The following MACROD2 variants were observed in gnomAD, a reference collection of about 807,000 sequenced individuals.
The protein encoded by MACROD2 is mono-ADP ribosylhydrolase 2.
A neutral mutation model predicts 70.4 loss-of-function variants in MACROD2; 36 were observed. That is an observed-to-expected ratio of 0.51 (90% CI 0.39 to 0.68). MACROD2 has a LOEUF of 0.68. Ranked by LOEUF, MACROD2 falls within the 30% of genes least tolerant of loss-of-function variation. The pLI, the probability that MACROD2 is intolerant of heterozygous loss-of-function variation, is 0.00. For missense variants in MACROD2, 496 were observed against 538.4 expected, an observed-to-expected ratio of 0.92 and a Z score of 0.78; for synonymous variants, 172 against 178.8, an observed-to-expected ratio of 0.96 and a Z score of 0.30.
chr20:15,076,107 ATATATATGT>A (rs57412548), intron 5 of MACROD2, among the ~76,000 whole-genome samples: 17,028 of 152,066 alleles, frequency 0.11, 2,395 homozygotes, highest in African/African-American at 0.32. Flanking sequence ...GTGTGAATAA[ATATATATGT>A]TATATACTTG....
chr20:15,284,035 T>C (rs191783878), intron 6 of MACROD2, among the ~76,000 whole-genome samples: 91 of 152,318 alleles, frequency 6.0e-4, no homozygotes, highest in Non-Finnish European at 9.6e-4. Flanking sequence ...ATAGAATAGT[T>C]TAAAAATAAT....
At chr20:15,189,891 G>A (rs1463586347) in intron 5 of MACROD2, among the ~76,000 whole-genome samples, 2 of 151,828 alleles carry the variant, frequency 1.3e-5, no homozygotes, top group Non-Finnish European at 2.9e-5. Flanking sequence ...TATTGAAGAA[G>A]AGGAGATAAA....
At chr20:15,683,666 C>T (rs2050190291) in intron 8 of MACROD2, among the ~76,000 whole-genome samples, 1 of 152,120 alleles carries the variant, frequency 6.6e-6, no homozygotes, top group Non-Finnish European at 1.5e-5. Context: ...GCAACCTCCA[C>T]CTCCTGGGTT....
intron 13 of MACROD2, among the ~76,000 whole-genome samples, chr20:15,985,054 C>T (rs932795655): frequency 4.6e-5 from 7 of 152,106 alleles, no homozygotes; most frequent in African/African-American, 1.7e-4. Flanking sequence ...TTCTGATGGC[C>T]AACCTACCTC....
At chr20:15,242,897 A>G (rs1406364690) in intron 6 of MACROD2, among the ~76,000 whole-genome samples, 3 of 152,190 alleles carry the variant, frequency 2.0e-5, no homozygotes, top group Non-Finnish European at 4.4e-5. Context: ...TTTGCAATCA[A>G]TATCTGCAGA....
chr20:14,079,393 G>A (rs2053959616), intron 2 of MACROD2, among the ~76,000 whole-genome samples: 1 of 152,164 alleles, frequency 6.6e-6, no homozygotes. Flanking sequence ...ACATGGGGCC[G>A]AATAAACTAA....
At chr20:14,010,438 C>T (rs2052885792) in intron 2 of MACROD2, among the ~76,000 whole-genome samples, 1 of 152,092 alleles carries the variant, frequency 6.6e-6, no homozygotes, top group African/African-American at 2.4e-5. Context: ...ATGCGTGATG[C>T]AGCTTCACAG....
At chr20:15,818,489 A>T (rs1229987568) in intron 8 of MACROD2, among the ~76,000 whole-genome samples, 1 of 152,096 alleles carries the variant, frequency 6.6e-6, no homozygotes, top group Non-Finnish European at 1.5e-5. Context: ...ATTAGTGTAT[A>T]ATGAGCAATG....
chr20:15,250,635 C>A (rs771899981), intron 6 of MACROD2, among the ~76,000 whole-genome samples: 3 of 152,084 alleles, frequency 2.0e-5, no homozygotes, highest in African/African-American at 4.8e-5. Context: ...TGTGTATATG[C>A]CACAGGACCT....
In MACROD2 at chr20:15,591,960, C is replaced by A. The variant is rs537562840; in HGVS notation, c.645+92113C>A. On this transcript the variant is annotated intron_variant, in intron 8 of 17. Transcript: ENST00000684519. ...ACTTAGTGAACATTTGAAAGATGGC[C>A]AGATTTTTGTCAATTGATTATCAAT... Among the ~76,000 whole-genome samples, 4 of 152,226 alleles carry A rather than the reference C, an allele frequency of 2.6e-5. No individual in the cohort carries two copies. The East Asian group carries it at 7.7e-4, about 29-fold the overall frequency.
At chr20:14,757,678 G>A (rs2071959143) in intron 5 of MACROD2, 1 of 1,378,606 alleles carries the variant, frequency 7.3e-7, no homozygotes, top group Admixed American at 1.7e-5. Flanking sequence ...ACAAGAATGT[G>A]TCCAACCTTC....
At chr20:15,488,542 G>A (rs1242560065) in intron 7 of MACROD2, among the ~76,000 whole-genome samples, 1 of 152,152 alleles carries the variant, frequency 6.6e-6, no homozygotes, top group Non-Finnish European at 1.5e-5. Context: ...TGCAATCCAA[G>A]GTGAGGAGTT....
chr20:15,369,113 G>A (rs1248758206), intron 6 of MACROD2, among the ~76,000 whole-genome samples: 3 of 152,120 alleles, frequency 2.0e-5, no homozygotes, highest in African/African-American at 4.8e-5. Flanking sequence ...TTACTCACTA[G>A]AGAGGAGTAA....
intron 8 of MACROD2, among the ~76,000 whole-genome samples, chr20:15,692,641 C>T (rs1430070809): frequency 6.6e-6 from 1 of 152,078 alleles, no homozygotes; most frequent in Non-Finnish European, 1.5e-5. Flanking sequence ...GGTGGTGGGA[C>T]CCACTTGGCT....
At chr20:15,676,463 C>A (rs1403128085) in intron 8 of MACROD2, among the ~76,000 whole-genome samples, 3 of 152,172 alleles carry the variant, frequency 2.0e-5, no homozygotes, top group African/African-American at 7.2e-5. Flanking sequence ...TAACCAAAAA[C>A]CACATCTATT....
intron 2 of MACROD2, among the ~76,000 whole-genome samples, chr20:14,006,388 C>T (rs2052820953): frequency 6.6e-6 from 1 of 152,132 alleles, no homozygotes; most frequent in South Asian, 2.1e-4. Flanking sequence ...TCCCCCCAGA[C>T]TATTTTGAAT....
At chr20:15,511,743 T>C (rs890381279) in intron 8 of MACROD2, among the ~76,000 whole-genome samples, 1 of 152,202 alleles carries the variant, frequency 6.6e-6, no homozygotes, top group African/African-American at 2.4e-5. Flanking sequence ...AGTACTCCCC[T>C]AATGACCAAG....
intron 3 of MACROD2, among the ~76,000 whole-genome samples, chr20:14,274,950 G>A (rs2082236386): frequency 1.3e-5 from 2 of 151,920 alleles, no homozygotes; most frequent in African/African-American, 4.8e-5. Context: ...GGGATGTGAA[G>A]GACCTCTTCA....
intron 5 of MACROD2, among the ~76,000 whole-genome samples, chr20:14,844,422 C>A (rs926277598): frequency 1.4e-4 from 21 of 151,792 alleles, no homozygotes; most frequent in Non-Finnish European, 2.8e-4. Flanking sequence ...GAGGCTGAGA[C>A]GGGAGAATCG....
Sources: allele counts gnomAD v4.1 joint callset (sites outside exome capture counted in the v4.1 genomes callset), GRCh38; gene constraint gnomAD v4.1.1; transcripts MANE v1.5; gene names NCBI Gene and HGNC (gene_info 2026-07-23, HGNC 2026-07-21).